FAM168A: variants seen among roughly 807,000 people sequenced by gnomAD.
The protein encoded by FAM168A is family with sequence similarity 168 member A, also known as protein FAM168A.
A neutral mutation model predicts 28.5 loss-of-function variants in FAM168A; 3 were observed. The ratio of observed to expected loss-of-function variants is 0.11; its 90% CI spans 0.05 to 0.27. The LOEUF (loss-of-function observed/expected upper bound fraction) is 0.27. FAM168A is among the 10% of genes least tolerant of loss of function. The pLI, the probability that FAM168A is intolerant of heterozygous loss-of-function variation, is 1.00. For missense variants in FAM168A, 222 were observed against 311.5 expected (o/e 0.71, Z 2.16); for synonymous variants, 122 against 124.2 (o/e 0.98, Z 0.12).
Position 73,585,871 on chromosome 11 carries a change from CAAAAAAAAAA to C in FAM168A, c.-19+12042_-19+12051del, listed in dbSNP as rs11358691. 1.4e-3 allele frequency among the ~76,000 whole-genome samples: 117 copies of C among 81,666 alleles called. 1 individual carries two copies. Among genetic ancestry groups the C allele is most frequent in the Middle Eastern group, 7.7e-3 (1 of 130 alleles). The allele number at this position is 81,666 out of a possible 152,430, so 53.6% of individuals were successfully genotyped here. A position where few individuals can be genotyped will look rare whatever the true frequency, so the allele number is the denominator to read the frequency against. On this transcript the variant is annotated intron_variant, in intron 1 of 7. Coordinates refer to ENST00000356467, the MANE Select transcript of FAM168A (RefSeq NM_015159.3). ...TGACAAAGTAAGACTCCATCTCAAA[CAAAAAAAAAA>C]AAAAAAAAAAAAGAGATTGACCCTT...
chr11:73,537,585 G>A (rs141213487), intron 1 of FAM168A, among the ~76,000 whole-genome samples: 2 of 152,206 alleles, frequency 1.3e-5, no homozygotes, highest in Non-Finnish European at 2.9e-5. Flanking sequence ...TCCAGGTTCC[G>A]TTCTCAGCTT....
chr11:73,419,101 C>T lies in FAM168A; in HGVS notation c.277+773G>A, dbSNP rs533843187. On this transcript the variant is annotated intron_variant, in intron 4 of 7. Transcript: ENST00000356467. The stretch of plus-strand genomic sequence containing the variant: ...CTGGGATTACAGGCATGAGCCACCG[C>T]GCCCGGCTGCCACTCAGTAATTTCT... Among the ~76,000 whole-genome samples, 47 of 152,236 alleles carry T rather than the reference C, an allele frequency of 3.1e-4. No homozygotes were observed. The South Asian group carries it at 5.2e-3, about 17-fold the overall frequency.
Position 73,404,566 on chromosome 11 carries a change from T to G in FAM168A, c.*2197A>C, listed in dbSNP as rs1866469427. ...GTATTTGCAAAAAGTGAATTAACAC[T>G]GGAAAACTTTCTATTGTTTTAAAGT... On this transcript the variant is annotated 3_prime_UTR_variant, in exon 8 of 8. Coordinates refer to ENST00000356467, the MANE Select transcript of FAM168A (RefSeq NM_015159.3). 1 of 152,246 alleles carries G rather than the reference T, an allele frequency of 6.6e-6. No individual in the cohort carries two copies. The highest frequency in any genetic ancestry group is 1.5e-5 in the Non-Finnish European group (1 of 68,046). The allele number at this position is 152,246 out of a possible 1,614,324, so 9.4% of individuals were successfully genotyped here. A position where few individuals can be genotyped will look rare whatever the true frequency, so the allele number is the denominator to read the frequency against.
rs1407417663 is a variant in FAM168A, at chr11:73,425,826, T to TC, written c.151+4863dup. The stretch of plus-strand genomic sequence containing the variant: ...GGTCTTGACCTTTGGCCTCAAGGGA[T>TC]CCCCCCGCCTTGCCCTCCCAAATCT... On this transcript the variant is annotated intron_variant, in intron 3 of 7. Transcript: ENST00000356467. 2.6e-5 allele frequency among the ~76,000 whole-genome samples: 4 copies of TC among 152,196 alleles called. No individual in the cohort carries two copies. The South Asian group carries it at 6.2e-4, about 24-fold the overall frequency.
intron 1 of FAM168A, among the ~76,000 whole-genome samples, chr11:73,507,799 T>C (rs1855143509): frequency 6.6e-6 from 1 of 152,174 alleles, no homozygotes. Context: ...TGACCAAATA[T>C]GGATCACAGG....
At chr11:73,452,598 T>C (rs1270365955) in intron 2 of FAM168A, among the ~76,000 whole-genome samples, 1 of 152,140 alleles carries the variant, frequency 6.6e-6, no homozygotes, top group African/African-American at 2.4e-5. Flanking sequence ...CTGTTCTCCA[T>C]AGGACCCTGG....
intron 2 of FAM168A, among the ~76,000 whole-genome samples, chr11:73,435,382 T>C (rs1419499293): frequency 6.6e-6 from 1 of 152,264 alleles, no homozygotes; most frequent in Non-Finnish European, 1.5e-5. Flanking sequence ...ACTCCTGTTT[T>C]GTCATTTCAG....
chr11:73,421,743 T>C (rs1454122177), intron 3 of FAM168A, among the ~76,000 whole-genome samples: 1 of 152,156 alleles, frequency 6.6e-6, no homozygotes, highest in East Asian at 1.9e-4. Context: ...AACAACTCTC[T>C]AAAAAGTAAA....
chr11:73,432,429 C>T (rs985279963), intron 2 of FAM168A, among the ~76,000 whole-genome samples: 4 of 151,846 alleles, frequency 2.6e-5, no homozygotes, highest in Admixed American at 2.0e-4. Context: ...ACATCCTCAA[C>T]AACCCTTGTT....
chr11:73,487,405 C>A (rs1019653669), intron 1 of FAM168A, among the ~76,000 whole-genome samples: 3 of 152,120 alleles, frequency 2.0e-5, no homozygotes, highest in African/African-American at 7.2e-5. Context: ...ACTTACAGAC[C>A]CTTCTCCATA....
intron 7 of FAM168A, among the ~76,000 whole-genome samples, chr11:73,407,274 C>A (rs1389119606): frequency 6.6e-6 from 1 of 152,166 alleles, no homozygotes; most frequent in Non-Finnish European, 1.5e-5. Context: ...TATGAGATAA[C>A]ATAAGCAAAG....
At chr11:73,524,257 T>C (rs1235654192) in intron 1 of FAM168A, among the ~76,000 whole-genome samples, 1 of 152,130 alleles carries the variant, frequency 6.6e-6, no homozygotes, top group African/African-American at 2.4e-5. Context: ...TCTTTTTTCA[T>C]TCAGTGTATT....
At chr11:73,473,535 G>T (rs1232467866) in intron 1 of FAM168A, among the ~76,000 whole-genome samples, 1 of 152,108 alleles carries the variant, frequency 6.6e-6, no homozygotes, top group Non-Finnish European at 1.5e-5. Flanking sequence ...CTACCTCTCT[G>T]GTTGCAACTT....
chr11:73,500,333 A>C (rs952848880), intron 1 of FAM168A, among the ~76,000 whole-genome samples: 3 of 143,930 alleles, frequency 2.1e-5, no homozygotes, highest in Non-Finnish European at 4.5e-5. Context: ...ATCCCAGCTC[A>C]CTGCAACCTC....
chr11:73,484,599 T>C (rs1213195401), intron 1 of FAM168A, among the ~76,000 whole-genome samples: 2 of 135,188 alleles, frequency 1.5e-5, no homozygotes. Flanking sequence ...TATATATCGA[T>C]ATCTATATCG....
At chr11:73,439,401 G>A (rs1867152562) in intron 2 of FAM168A, among the ~76,000 whole-genome samples, 1 of 152,174 alleles carries the variant, frequency 6.6e-6, no homozygotes, top group Non-Finnish European at 1.5e-5. Flanking sequence ...CAACCTCTGG[G>A]TCATTCACCT....
intron 2 of FAM168A, among the ~76,000 whole-genome samples, chr11:73,464,824 C>A (rs934087408): frequency 6.6e-6 from 1 of 151,702 alleles, no homozygotes; most frequent in Non-Finnish European, 1.5e-5. Context: ...TTATTACTCT[C>A]AGCTGTCGTG....
At chr11:73,510,734 T>C (rs1447335022) in intron 1 of FAM168A, 2 of 375,980 alleles carry the variant, frequency 5.3e-6, no homozygotes, top group South Asian at 1.4e-4. Context: ...TTTGGATATA[T>C]AGGTATGGTC....
rs890888326 is a variant in FAM168A, at chr11:73,401,762, G to A, written c.*5001C>T. On this transcript the variant is annotated 3_prime_UTR_variant, in exon 8 of 8. Transcript: ENST00000356467. ...CCAGTCCCAACTCCTGTGTGCCTCGGTTGGCCTTTGGGTTGGACTCAACAG... is the reference window on the plus strand; with the variant it reads ...CCAGTCCCAACTCCTGTGTGCCTCGATTGGCCTTTGGGTTGGACTCAACAG... 2.0e-5 allele frequency: 3 copies of A among 152,186 alleles called. No individual in the cohort carries two copies. Among genetic ancestry groups the A allele is most frequent in the Non-Finnish European group, 2.9e-5 (2 of 68,060 alleles). 9.4% of individuals were successfully genotyped at this position (152,186 alleles called of 1,614,324 possible).
Sources: gnomAD v4.1 joint callset for allele counts (sites outside exome capture counted in the v4.1 genomes callset) on GRCh38, gnomAD v4.1.1 for gene constraint, MANE v1.5 for transcripts, NCBI Gene and HGNC (gene_info 2026-07-23, HGNC 2026-07-21) for gene names.